The following TRPM2 variants were observed in gnomAD, a reference collection of about 807,000 sequenced individuals.
TRPM2 encodes the protein transient receptor potential cation channel subfamily M member 2, also known as estrogen-responsive element-associated gene 1 protein.
In TRPM2, 161 loss-of-function variants were observed where a neutral mutation model predicts 174.0. The observed-to-expected ratio is 0.93, with a 90% confidence interval of 0.81 to 1.05. The LOEUF (loss-of-function observed/expected upper bound fraction) is 1.05. Among genes scored for constraint, TRPM2 ranks in the 50% least tolerant of loss-of-function variants. The pLI is 0.00. For synonymous variants in TRPM2, 954 were observed against 861.3 expected, an observed-to-expected ratio of 1.11 and a Z score of -1.88; for missense variants, 2,057 against 2,038.0, an observed-to-expected ratio of 1.01 and a Z score of -0.18.
rs780614806 is a variant in TRPM2 at position 44,364,199 on chromosome 21, G to A, written c.340G>A (p.Asp114Asn). The A allele has an allele frequency of 6.2e-7, 1 of 1,614,188 alleles. No individual in the cohort carries two copies. Among genetic ancestry groups the A allele is most frequent in the Admixed American group, 1.7e-5 (1 of 60,024 alleles). The change falls in exon 3 of 32, where the codon GAC becomes AAC. Residue 114 changes from aspartate (D) to asparagine (N), a missense_variant. By Grantham distance (23) the Asp-to-Asn change is conservative. Coordinates refer to ENST00000397928, the MANE Select transcript of TRPM2 (RefSeq NM_003307.4). ...CCACACCTTCCAGGGCACACAGTGG[G>A]ACCCAAAGAAACATGTCCAGGAGAT... ...KPHTFQGTQW[D>N]PKKHVQEMPT...
Position 44,406,781 on chromosome 21 carries a change from C to A in TRPM2, c.2962+16C>A. The stretch of plus-strand genomic sequence containing the variant: ...TACATCGACGGTAGGAGCCGGGCGC[C>A]ATGGGAGCTCGGGTGGTGCTGCCGG... On this transcript the variant is annotated intron_variant, in intron 19 of 31. Coordinates refer to ENST00000397928, the MANE Select transcript of TRPM2 (RefSeq NM_003307.4). The A allele has an allele frequency of 6.3e-7, 1 of 1,588,608 alleles. No homozygotes were observed. The highest frequency in any genetic ancestry group is 8.5e-7 in the Non-Finnish European group (1 of 1,169,936).
chr21:44,414,801 G>C (rs1420446581), intron 20 of TRPM2: 1 of 152,190 alleles, frequency 6.6e-6, no homozygotes, highest in Non-Finnish European at 1.5e-5. Context: ...TTTGGGCGGA[G>C]TTACTGGGAC....
In TRPM2 at chr21:44,406,777, G is replaced by A; in HGVS notation, c.2962+12G>A. ...GGGCTACATCGACGGTAGGAGCCGGGCGCCATGGGAGCTCGGGTGGTGCTG... is the reference window on the plus strand; with the variant it reads ...GGGCTACATCGACGGTAGGAGCCGGACGCCATGGGAGCTCGGGTGGTGCTG... On this transcript the variant is annotated intron_variant, in intron 19 of 31. Transcript: ENST00000397928. The A allele has an allele frequency of 6.3e-7, 1 of 1,592,920 alleles. No individual in the cohort carries two copies. Among genetic ancestry groups the A allele is most frequent in the Non-Finnish European group, 8.5e-7 (1 of 1,172,128 alleles).
Position 44,441,860 on chromosome 21 carries a change from C to T in TRPM2, c.*43C>T, listed in dbSNP as rs1264855138. 1 of 1,548,602 alleles carries T rather than the reference C, an allele frequency of 6.5e-7. No homozygotes were observed. The highest frequency in any genetic ancestry group is 8.7e-7 in the Non-Finnish European group (1 of 1,144,464). On this transcript the variant is annotated 3_prime_UTR_variant, in exon 32 of 32. Transcript: ENST00000397928. The stretch of plus-strand genomic sequence containing the variant: ...GCGGCTCCAGTCCATAGACGTTCCC[C>T]CCAGAAACCAGGGCTTCTCTCTCCT...
At chr21:44,425,473 C>A in intron 24 of TRPM2, 197 bp from the exon 25 acceptor site, 1 of 541,586 alleles carries the variant, frequency 1.8e-6, no homozygotes, top group Non-Finnish European at 3.0e-6. Context: ...GGGACGCTGC[C>A]TGAGCTCCCG....
intron 5 of TRPM2, among the ~76,000 whole-genome samples, chr21:44,375,417 C>T (rs971482065): frequency 2.6e-5 from 4 of 152,232 alleles, no homozygotes; most frequent in Non-Finnish European, 5.9e-5. Flanking sequence ...TAACAAATGG[C>T]CTCAAGCCTG....
At chr21:44,418,397 C>T in intron 21 of TRPM2, 26 bp from the exon 22 acceptor site, 1 of 1,612,178 alleles carries the variant, frequency 6.2e-7, no homozygotes, top group Non-Finnish European at 8.5e-7. Context: ...TTCCAGGTCC[C>T]CTGGTCTGTC....
upstream of TRPM2, chr21:44,350,478 G>T (rs2047911289): frequency 1.3e-5 from 2 of 151,880 alleles, no homozygotes; most frequent in South Asian, 1.8e-4. Context: ...GGGCGCGGTG[G>T]GGTGCAGGGG....
rs1241505274 is a variant in TRPM2, at chr21:44,439,547, C to T, written c.4269+379C>T. Among the ~76,000 whole-genome samples the T allele has an allele frequency of 6.6e-6, 1 of 152,128 alleles. No homozygotes were observed. Among genetic ancestry groups the T allele is most frequent in the Non-Finnish European group, 1.5e-5 (1 of 68,036 alleles). Reference sequence around the variant, plus strand: ...GCGCCCAAGGGTGCTGGGAAGCCAGCCCCTCCCTCAGACCTCGCCCCGACT... The same window carrying T: ...GCGCCCAAGGGTGCTGGGAAGCCAGTCCCTCCCTCAGACCTCGCCCCGACT... On this transcript the variant is annotated intron_variant, in intron 30 of 31. Coordinates refer to ENST00000397928, the MANE Select transcript of TRPM2 (RefSeq NM_003307.4). The surrounding 1 kb of genome is among the most constrained non-coding windows in gnomAD (Gnocchi z 5.1).
Position 44,411,801 on chromosome 21 carries a change from TGAA to T in TRPM2, c.2963-2088_2963-2086del, listed in dbSNP as rs45557640. On this transcript the variant is annotated intron_variant, in intron 19 of 31. Transcript: ENST00000397928. ...CCTAGTTTCTTGAGTGTTTTTATTGTGAAGGAGTGGTAGACTTTGTCAGCTGCT... is the reference window on the plus strand; with the variant it reads ...CCTAGTTTCTTGAGTGTTTTTATTGTGGAGTGGTAGACTTTGTCAGCTGCT... Among the ~76,000 whole-genome samples, 9 of 152,334 alleles carry T rather than the reference TGAA, an allele frequency of 5.9e-5. No individual in the cohort carries two copies. In the East Asian group the frequency reaches 1.7e-3, roughly 29 times the overall value.
intron 2 of TRPM2, 80 bp from the exon 3 acceptor site, chr21:44,364,034 C>T: frequency 6.8e-7 from 1 of 1,468,100 alleles, no homozygotes; most frequent in Non-Finnish European, 9.1e-7. Flanking sequence ...TGCGGCTTTC[C>T]ACTGGGCCTC....
intron 14 of TRPM2, 134 bp from the exon 15 acceptor site, chr21:44,400,125 T>A (rs1173088712): frequency 1.4e-6 from 1 of 696,226 alleles, no homozygotes; most frequent in Non-Finnish European, 2.4e-6. Flanking sequence ...GCTCTGTGTC[T>A]TCACCACTTT....
At chr21:44,423,787 C>T (rs2146369243) in intron 23 of TRPM2, 55 bp downstream of exon 23, 20 of 1,443,816 alleles carry the variant, frequency 1.4e-5, no homozygotes, top group South Asian at 6.0e-5. Context: ...GCCTGGTGGG[C>T]GGCTCTGCCA....
intron 2 of TRPM2, among the ~76,000 whole-genome samples, chr21:44,356,633 G>A (rs2048072991): frequency 1.3e-5 from 2 of 151,238 alleles, no homozygotes; most frequent in South Asian, 4.2e-4. Context: ...CCAGGTTCAT[G>A]CGATTCACCA....
intron 15 of TRPM2, among the ~76,000 whole-genome samples, 172 bp from the exon 16 acceptor site, chr21:44,401,509 C>G (rs1392091080): frequency 1.1e-4 from 17 of 152,174 alleles, no homozygotes; most frequent in Non-Finnish European, 2.9e-5. Flanking sequence ...CCAGGCTGTG[C>G]TGTGCCGGCT....
At chr21:44,414,100 G>A in intron 20 of TRPM2, 26 bp downstream of exon 20, 2 of 1,598,700 alleles carry the variant, frequency 1.3e-6, no homozygotes, top group South Asian at 2.2e-5. Flanking sequence ...GGGCTGGCGT[G>A]CAGGTGGGTG....
At chr21:44,427,406 G>C (rs536656413) in intron 27 of TRPM2, among the ~76,000 whole-genome samples, 15 of 152,324 alleles carry the variant, frequency 9.8e-5, no homozygotes, top group South Asian at 2.1e-4. Context: ...GGGAGAGGAC[G>C]ATGCCTCAGA....
intron 2 of TRPM2, among the ~76,000 whole-genome samples, chr21:44,361,127 TG>T (rs1311654728): frequency 1.3e-5 from 2 of 152,216 alleles, no homozygotes; most frequent in African/African-American, 4.8e-5. Flanking sequence ...CCATCCAAGT[TG>T]CTGCTTGTGT....
rs1387055023 is a variant in TRPM2 at position 44,367,972 on chromosome 21, T to C, written c.604+1038T>C. On this transcript the variant is annotated intron_variant, in intron 4 of 31. Coordinates refer to ENST00000397928, the MANE Select transcript of TRPM2 (RefSeq NM_003307.4). The surrounding 1 kb of genome is among the most constrained non-coding windows in gnomAD (Gnocchi z 4.6). ...TTGCTGCCTCAAATAATGCCATGGA[T>C]TTGTTCAGGTCTCACCTGCTCCAGG... 6.6e-6 allele frequency among the ~76,000 whole-genome samples: 1 copy of C among 152,248 alleles called. No individual in the cohort carries two copies. The highest frequency in any genetic ancestry group is 2.4e-5 in the African/African-American group (1 of 41,476).
Sources: allele counts gnomAD v4.1 joint callset (sites outside exome capture counted in the v4.1 genomes callset), GRCh38; gene constraint gnomAD v4.1.1; non-coding constraint Gnocchi (gnomAD v3.1); transcripts MANE v1.5; gene names NCBI Gene and HGNC (gene_info 2026-07-23, HGNC 2026-07-21).